The following ELMO1 variants were observed in gnomAD, a reference collection of about 807,000 sequenced individuals.
The protein encoded by ELMO1 is engulfment and cell motility protein 1.
Under a neutral mutation model 98.9 loss-of-function variants are expected in ELMO1, and 26 were observed. The observed-to-expected ratio is 0.26, with a 90% CI of 0.19 to 0.36. The LOEUF is 0.36. Among genes scored for constraint, ELMO1 ranks in the 10% least tolerant of loss-of-function variants. ELMO1 has a pLI of 1.00. For missense variants in ELMO1, 627 were observed against 935.2 expected, an observed-to-expected ratio of 0.67 and a Z score of 4.30; for synonymous variants, 346 against 346.0, an observed-to-expected ratio of 1.00 and a Z score of 0.00.
chr7:36,993,610 T>C (rs1357163963), intron 16 of ELMO1, among the ~76,000 whole-genome samples: 1 of 152,260 alleles, frequency 6.6e-6, no homozygotes, highest in African/African-American at 2.4e-5. Flanking sequence ...GAATAAGCTC[T>C]ATAACATAAT....
intron 16 of ELMO1, among the ~76,000 whole-genome samples, chr7:36,922,366 A>C (rs1339265749): frequency 6.6e-6 from 1 of 151,578 alleles, no homozygotes; most frequent in African/African-American, 2.4e-5. Context: ...AAAAAAAAAA[A>C]AACCAACAGA....
At chr7:36,888,732 C>T (rs187879885) in intron 17 of ELMO1, among the ~76,000 whole-genome samples, 1 of 152,218 alleles carries the variant, frequency 6.6e-6, no homozygotes, top group East Asian at 1.9e-4. Flanking sequence ...GCCAAACAGT[C>T]CATAGGCCCA....
At chr7:37,164,745 G>A (rs1183851134) in intron 13 of ELMO1, among the ~76,000 whole-genome samples, 36 of 149,360 alleles carry the variant, frequency 2.4e-4, no homozygotes, top group Admixed American at 1.2e-3. Flanking sequence ...CTGTAGCCTT[G>A]TAGTATAGTT....
chr7:37,051,034 C>A (rs1335514216), intron 15 of ELMO1, among the ~76,000 whole-genome samples: 2 of 152,166 alleles, frequency 1.3e-5, no homozygotes, highest in Non-Finnish European at 1.5e-5. Context: ...AGAATTCTTT[C>A]TTTGACGTGT....
chr7:36,884,976 C>T (rs998909481), intron 18 of ELMO1, among the ~76,000 whole-genome samples: 5 of 152,080 alleles, frequency 3.3e-5, no homozygotes, highest in Non-Finnish European at 5.9e-5. Context: ...TGTAGAAGTG[C>T]GTCTTTCTCG....
intron 16 of ELMO1, among the ~76,000 whole-genome samples, chr7:36,961,801 C>G (rs541048396): frequency 6.6e-6 from 1 of 152,292 alleles, no homozygotes; most frequent in South Asian, 2.1e-4. Flanking sequence ...AAAATACCCT[C>G]TTGCCCCTCT....
At chr7:37,144,493 C>A (rs1261150829) in intron 13 of ELMO1, among the ~76,000 whole-genome samples, 1 of 152,144 alleles carries the variant, frequency 6.6e-6, no homozygotes, top group African/African-American at 2.4e-5. Flanking sequence ...ATTTTCTTTT[C>A]TTGTTCCATG....
chr7:36,922,853 G>A (rs1785254766), intron 16 of ELMO1, among the ~76,000 whole-genome samples: 1 of 152,148 alleles, frequency 6.6e-6, no homozygotes. Flanking sequence ...TCATTCTAAT[G>A]GCATGCTTCC....
Position 37,122,190 on chromosome 7 carries a change from T to C in ELMO1, c.1191+10940A>G, listed in dbSNP as rs181416808. 9.6e-3 allele frequency among the ~76,000 whole-genome samples: 1,450 copies of C among 151,300 alleles called. 28 individuals carry two copies. Among genetic ancestry groups the C allele is most frequent in the African/African-American group, 0.032 (1,328 of 41,158 alleles). On this transcript the variant is annotated intron_variant, in intron 14 of 21. Coordinates refer to ENST00000310758, the MANE Select transcript of ELMO1 (RefSeq NM_014800.11). Reference sequence around the variant, plus strand: ...CCAGCCACTGCAAAATCATGCCAAATTGTAAAGACCATTGAGACTAGGAAG... The same window carrying C: ...CCAGCCACTGCAAAATCATGCCAAACTGTAAAGACCATTGAGACTAGGAAG...
rs71553100 is a variant in ELMO1 at position 37,171,481 on chromosome 7, C to CTTTTTTTTTTTTTTTTTTTTTTTTT, written c.1087-38248_1087-38247insAAAAAAAAAAAAAAAAAAAAAAAAA. ...AGTTTATTCTTGTAACCAGGCCTTT[C>CTTTTTTTTTTTTTTTTTTTTTTTTT]TATTTTTTTTTTTTTTTTTTTTTTT... is the stretch of plus-strand genomic sequence containing the variant. On this transcript the variant is annotated intron_variant, in intron 13 of 21. Coordinates refer to ENST00000310758, the MANE Select transcript of ELMO1 (RefSeq NM_014800.11). 6.8e-5 allele frequency among the ~76,000 whole-genome samples: 3 copies of CTTTTTTTTTTTTTTTTTTTTTTTTT among 44,268 alleles called. 1 individual carries two copies. The highest frequency in any genetic ancestry group is 1.2e-4 in the African/African-American group (2 of 16,050). 29.0% of individuals were successfully genotyped at this position (44,268 alleles called of 152,430 possible). A position where few individuals can be genotyped will look rare whatever the true frequency, so the allele number is the denominator to read the frequency against.
At chr7:36,917,069 C>G (rs905152304) in intron 16 of ELMO1, among the ~76,000 whole-genome samples, 18 of 152,280 alleles carry the variant, frequency 1.2e-4, no homozygotes, top group African/African-American at 3.9e-4. Context: ...TTTGAGATCT[C>G]TGATTAAAAC....
intron 15 of ELMO1, among the ~76,000 whole-genome samples, chr7:37,063,204 A>G (rs535528912): frequency 6.6e-6 from 1 of 152,326 alleles, no homozygotes; most frequent in African/African-American, 2.4e-5. Context: ...TGTGATTGTC[A>G]TTCAAATGGA....
At chr7:37,190,292 T>C (rs1291844428) in intron 13 of ELMO1, among the ~76,000 whole-genome samples, 2 of 152,192 alleles carry the variant, frequency 1.3e-5, no homozygotes, top group East Asian at 3.9e-4. Context: ...ATGGTATTAA[T>C]AGTAATAATT....
At chr7:37,418,516 C>G (rs1804328110) in intron 1 of ELMO1, among the ~76,000 whole-genome samples, 1 of 152,166 alleles carries the variant, frequency 6.6e-6, no homozygotes, top group Admixed American at 6.5e-5. Flanking sequence ...GAATCTGGAA[C>G]TGGATCTGCC....
intron 15 of ELMO1, among the ~76,000 whole-genome samples, chr7:37,042,409 C>T (rs1795571710): frequency 1.3e-5 from 2 of 152,098 alleles, no homozygotes; most frequent in South Asian, 2.1e-4. Flanking sequence ...CTGGTAGGCA[C>T]TGATTTCTCT....
chr7:37,421,606 T>C (rs76248201), intron 1 of ELMO1, among the ~76,000 whole-genome samples: 11,438 of 152,222 alleles, frequency 0.075, 598 homozygotes, highest in Non-Finnish European at 0.096. Flanking sequence ...TCACAACTCC[T>C]AAACGCCAGG....
chr7:37,315,783 A>T, intron 3 of ELMO1, 137 bp downstream of exon 3: 1 of 786,320 alleles, frequency 1.3e-6, no homozygotes, highest in Non-Finnish European at 2.1e-6. Context: ...TGATATTCCT[A>T]CACAGTAATT....
chr7:37,393,294 A>G (rs1220325705), intron 1 of ELMO1, among the ~76,000 whole-genome samples: 1 of 152,210 alleles, frequency 6.6e-6, no homozygotes, highest in African/African-American at 2.4e-5. Context: ...CCAACAAACA[A>G]TGGCATTCTC....
chr7:37,233,325 G>A (rs1222685937), intron 7 of ELMO1, 131 bp from the exon 8 acceptor site: 2 of 714,194 alleles, frequency 2.8e-6, no homozygotes, highest in Non-Finnish European at 2.3e-6. Context: ...AGGACCACAG[G>A]TGACTTCTTC....
Sources: allele counts gnomAD v4.1 joint callset (sites outside exome capture counted in the v4.1 genomes callset), GRCh38; gene constraint gnomAD v4.1.1; transcripts MANE v1.5; gene names NCBI Gene and HGNC (gene_info 2026-07-23, HGNC 2026-07-21).